Variants in AGBL4 observed in about 807,000 individuals in gnomAD.
AGBL4 encodes the protein cytosolic carboxypeptidase 6.
In AGBL4, 58 loss-of-function variants were observed where a neutral mutation model predicts 66.4. That is an observed-to-expected ratio of 0.87 (90% CI 0.71 to 1.09). The LOEUF is 1.09. AGBL4 is among the 50% of genes least tolerant of loss of function. AGBL4 has a pLI of 0.00. For missense variants in AGBL4, 579 were observed against 631.0 expected, an observed-to-expected ratio of 0.92 and a Z score of 0.88; for synonymous variants, 234 against 222.9, an observed-to-expected ratio of 1.05 and a Z score of -0.44.
intron 3 of AGBL4, among the ~76,000 whole-genome samples, chr1:49,279,330 A>C (rs1570316339): frequency 6.6e-6 from 1 of 152,350 alleles, no homozygotes; most frequent in Middle Eastern, 3.4e-3. Context: ...TGACAAAGCC[A>C]GGCGCTGTCT....
intron 10 of AGBL4, 115 bp from the exon 11 acceptor site, chr1:48,587,281 AG>A (rs1644838322): frequency 7.1e-6 from 7 of 985,340 alleles, no homozygotes; most frequent in African/African-American, 1.6e-5. Flanking sequence ...GTGGGATATT[AG>A]CCCCTCATCA....
chr1:49,230,397 T>C (rs761992352), intron 4 of AGBL4, among the ~76,000 whole-genome samples: 49 of 152,316 alleles, frequency 3.2e-4, no homozygotes, highest in Non-Finnish European at 6.6e-4. Flanking sequence ...GTATAAAGAA[T>C]CTTTTTATAC....
chr1:48,867,156 G>T, intron 6 of AGBL4, 35 bp downstream of exon 6: 1 of 1,609,580 alleles, frequency 6.2e-7, no homozygotes, highest in Non-Finnish European at 8.5e-7. Context: ...AAGAAATAAG[G>T]GAAAAGCAAA....
rs202234256 is a variant in AGBL4, at chr1:48,596,803, T to C, written c.952-5818A>G. On this transcript the variant is annotated intron_variant, in intron 9 of 13. Coordinates refer to ENST00000371839, the MANE Select transcript of AGBL4 (RefSeq NM_032785.4). ...CACAGTGAAGGCTTTCTTCCTCAGA[T>C]ATGTCCTGAACATGGCTGGGCAGAA... Among the ~76,000 whole-genome samples, 34 of 152,182 alleles carry C rather than the reference T, an allele frequency of 2.2e-4. No individual in the cohort carries two copies. The East Asian group carries it at 5.8e-3, about 26-fold the overall frequency.
intron 6 of AGBL4, among the ~76,000 whole-genome samples, chr1:48,682,345 A>G (rs1463317012): frequency 6.6e-6 from 1 of 150,502 alleles, no homozygotes; most frequent in African/African-American, 2.5e-5. Context: ...TTGGGAAAAG[A>G]CTCCCTCAGT....
At chr1:49,480,526 T>C (rs967719946) in intron 3 of AGBL4, among the ~76,000 whole-genome samples, 1 of 152,010 alleles carries the variant, frequency 6.6e-6, no homozygotes, top group Admixed American at 6.5e-5. Context: ...TCTTTATAGA[T>C]GCTGGATATT....
At chr1:49,578,517 TAA>T (rs1043745270) in intron 3 of AGBL4, among the ~76,000 whole-genome samples, 7 of 152,214 alleles carry the variant, frequency 4.6e-5, no homozygotes, top group Non-Finnish European at 1.0e-4. Flanking sequence ...ATGAGGACTG[TAA>T]TTGTCATGAG....
chr1:48,525,973 G>T, the AGBL4 span, among the ~76,000 whole-genome samples: 1 of 152,196 alleles, frequency 6.6e-6, no homozygotes, highest in Admixed American at 6.5e-5. Context: ...TCCTGGCAAA[G>T]CACCTCGCTT....
At chr1:49,845,804 A>G (rs2148050585) in intron 2 of AGBL4, 1 of 1,549,826 alleles carries the variant, frequency 6.5e-7, no homozygotes, top group African/African-American at 1.3e-5. Flanking sequence ...AGCCAGCAGG[A>G]GCGGATGCAC....
rs1557710323 is a variant in AGBL4 at position 49,186,341 on chromosome 1, G to A, written c.377+59429C>T. On this transcript the variant is annotated intron_variant, in intron 4 of 13. Coordinates refer to ENST00000371839, the MANE Select transcript of AGBL4 (RefSeq NM_032785.4). ...TATCCTCCAACAATGGGAAAATAAA[G>A]CAGGAAAACTGTCAAATGTGGTTAA... is the stretch of plus-strand genomic sequence containing the variant. Among the ~76,000 whole-genome samples, 3 of 152,210 alleles carry A rather than the reference G, an allele frequency of 2.0e-5. No homozygotes were observed. The East Asian group carries it at 5.8e-4, about 29-fold the overall frequency.
chr1:48,722,021 A>G (rs986052405), intron 6 of AGBL4, among the ~76,000 whole-genome samples: 3 of 152,116 alleles, frequency 2.0e-5, no homozygotes, highest in African/African-American at 4.8e-5. Flanking sequence ...GATAATTCAC[A>G]TAAGAAGAAC....
intron 1 of AGBL4, among the ~76,000 whole-genome samples, chr1:49,948,568 TATATATATATATATAGAG>T (rs1245587979): frequency 4.3e-5 from 3 of 70,472 alleles, no homozygotes; most frequent in Non-Finnish European, 6.2e-5. Flanking sequence ...TATAAAAATA[TATATATATATATATAGAG>T]AGAGAGAGAG....
chr1:49,833,328 G>C (rs573455256), intron 2 of AGBL4, among the ~76,000 whole-genome samples: 2 of 150,888 alleles, frequency 1.3e-5, no homozygotes, highest in Admixed American at 1.3e-4. Flanking sequence ...ATTTCTGAGG[G>C]CTCTGTTCTG....
intron 6 of AGBL4, among the ~76,000 whole-genome samples, chr1:48,780,312 A>G (rs6588079): frequency 0.69 from 104,374 of 151,400 alleles, 36,552 homozygotes; most frequent in African/African-American, 0.75. Flanking sequence ...TTCCATGCTC[A>G]TGGATAGGAA....
chr1:49,171,247 T>C (rs764616042), intron 4 of AGBL4, among the ~76,000 whole-genome samples: 13 of 152,162 alleles, frequency 8.5e-5, no homozygotes, highest in Non-Finnish European at 1.0e-4. Context: ...CAAGTGTTAT[T>C]TGGGGAGAGG....
At position 49,348,407 on chromosome 1, in the gene AGBL4, C is replaced by T. The variant is rs1645681878; in HGVS notation, c.283-102543G>A. Among the ~76,000 whole-genome samples the T allele has an allele frequency of 4.0e-5, 6 of 150,550 alleles. No individual in the cohort carries two copies. In the South Asian group the frequency reaches 8.4e-4, roughly 21 times the overall value. On this transcript the variant is annotated intron_variant, in intron 3 of 13. Coordinates refer to ENST00000371839, the MANE Select transcript of AGBL4 (RefSeq NM_032785.4). The stretch of plus-strand genomic sequence containing the variant: ...CCGCATTCCAGCCTGGGTGACAGAG[C>T]GACACTCCGTCTCAAAAAAAAAAAT...
At chr1:49,880,633 C>T (rs1647206692) in intron 1 of AGBL4, among the ~76,000 whole-genome samples, 1 of 152,146 alleles carries the variant, frequency 6.6e-6, no homozygotes, top group Non-Finnish European at 1.5e-5. Flanking sequence ...GCCCTGCCCC[C>T]AGAGGTGGAG....
chr1:48,958,635 T>C (rs565422845), intron 5 of AGBL4, among the ~76,000 whole-genome samples: 1 of 152,294 alleles, frequency 6.6e-6, no homozygotes, highest in Non-Finnish European at 1.5e-5. Context: ...AGTTTTGGAG[T>C]GCCTTTCTTG....
At position 49,484,092 on chromosome 1, in the gene AGBL4, C is replaced by A. The variant is rs892786339; in HGVS notation, c.282+213221G>T. On this transcript the variant is annotated intron_variant, in intron 3 of 13. Transcript: ENST00000371839. ...TAAAATGGCTTTTCCAAGAGTCAGG[C>A]AATAACAAATGCAAGTGAGGATGTG... Among the ~76,000 whole-genome samples, 100 of 151,792 alleles carry A rather than the reference C, an allele frequency of 6.6e-4. 1 individual carries two copies. Among genetic ancestry groups the A allele is most frequent in the African/African-American group, 2.3e-3 (97 of 41,376 alleles).
Sources: gnomAD v4.1 joint callset for allele counts (sites outside exome capture counted in the v4.1 genomes callset) on GRCh38, gnomAD v4.1.1 for gene constraint, MANE v1.5 for transcripts, NCBI Gene and HGNC (gene_info 2026-07-23, HGNC 2026-07-21) for gene names.